DSG4: variants seen among roughly 807,000 people sequenced by gnomAD.
DSG4 encodes the protein desmoglein 4.
DSG4 carries 87 observed loss-of-function variants against 93.1 expected under a neutral mutation model. The observed-to-expected ratio is 0.93, with a 90% CI of 0.79 to 1.12. The LOEUF (loss-of-function observed/expected upper bound fraction) is 1.12. Ranked by LOEUF, DSG4 falls within the 50% of genes most tolerant of loss-of-function variation. The pLI is 0.00. For missense variants in DSG4, 1,373 were observed against 1,285.7 expected (o/e 1.07, Z -1.04); for synonymous variants, 432 against 452.9 (o/e 0.95, Z 0.59).
chr18:31,394,463 A>G (rs1841393), intron 8 of DSG4, among the ~76,000 whole-genome samples: 123,589 of 152,062 alleles, frequency 0.81, 50,576 homozygotes, highest in East Asian at 0.95. Flanking sequence ...TGTAATCCCA[A>G]CTACTCGGGA....
chr18:31,395,760 G>A (rs1283700052), intron 8 of DSG4, among the ~76,000 whole-genome samples: 2 of 152,088 alleles, frequency 1.3e-5, no homozygotes, highest in Non-Finnish European at 2.9e-5. Context: ...CAGCACTTTG[G>A]GAGGCCAAGG....
chr18:31,411,396 A>C lies in DSG4; in HGVS notation c.2303A>C (p.Asp768Ala). The C allele has an allele frequency of 3.1e-6, 5 of 1,611,112 alleles. No homozygotes were observed. The highest frequency in any genetic ancestry group is 4.2e-6 in the Non-Finnish European group (5 of 1,179,886). The change falls in exon 15 of 16, where the codon GAC becomes GCC. Residue 768 changes from aspartate (D) to alanine (A), a missense_variant. By Grantham distance (126) the Asp-to-Ala change is moderately radical. Transcript: ENST00000308128. ...KRSSTMGTLR[D>A]YADADINMAF... ...AGCTCTACCATGGGAACCCTGCGGG[A>C]CTACGCTGACGCAGACATCAACATG... is the stretch of plus-strand genomic sequence containing the variant.
At chr18:31,377,599 T>C (rs1022326713) in intron 1 of DSG4, among the ~76,000 whole-genome samples, 20 of 152,296 alleles carry the variant, frequency 1.3e-4, no homozygotes, top group Non-Finnish European at 1.9e-4. Context: ...ATCTTGGATA[T>C]TATATTTCTT....
At chr18:31,406,538 T>A (rs746092487) in intron 12 of DSG4, among the ~76,000 whole-genome samples, 165 bp downstream of exon 12, 1 of 152,150 alleles carries the variant, frequency 6.6e-6, no homozygotes, top group Non-Finnish European at 1.5e-5. Context: ...ATGCGCTTAA[T>A]CCACAATGAT....
Position 31,412,837 on chromosome 18 carries a change from G to T in DSG4, c.2365G>T (p.Ala789Ser). 6.2e-7 allele frequency: 1 copy of T among 1,614,174 alleles called. No homozygotes were observed. The highest frequency in any genetic ancestry group is 1.7e-5 in the Admixed American group (1 of 60,026). ...LDSYFSEKAY[A>S]YADEDEGRPA... ...TTCCTTTTAATTTTAGAAAGCGTAT[G>T]CTTATGCAGATGAAGATGAAGGTCG... Residue 789 changes from alanine to serine, a missense_variant, in exon 16 of 16, where the codon GCT (alanine) becomes TCT (serine). Transcript: ENST00000308128.
In DSG4 at chr18:31,409,588, C is replaced by G; in HGVS notation, c.2070C>G (p.Asp690Glu). 1 of 1,614,166 alleles carries G rather than the reference C, an allele frequency of 6.2e-7. No individual in the cohort carries two copies. The highest frequency in any genetic ancestry group is 8.5e-7 in the Non-Finnish European group (1 of 1,180,036). Residue 690 changes from aspartate (D) to glutamate (E), a missense_variant, in exon 13 of 16, where the codon GAC (aspartate) becomes GAG (glutamate). By Grantham distance (45) the Asp-to-Glu change is conservative (BLOSUM62 2). Coordinates refer to ENST00000308128, the MANE Select transcript of DSG4 (RefSeq NM_177986.5). ...SWRIEGAHPE[D>E]RDVSNICAPM... is the part of the protein sequence containing the mutation. The stretch of plus-strand genomic sequence containing the variant: ...GAATTGAAGGGGCCCATCCCGAGGA[C>G]AGGGTAAGTGGACTGTCACTCTCCA...
chr18:31,377,706 A>G (rs2072091276), intron 1 of DSG4, among the ~76,000 whole-genome samples: 1 of 152,206 alleles, frequency 6.6e-6, no homozygotes, highest in Non-Finnish European at 1.5e-5. Flanking sequence ...TTCCAACTCC[A>G]AAGAAGAACA....
Position 31,386,731 on chromosome 18 carries a change from C to G in DSG4, c.128C>G (p.Thr43Arg). Residue 43 changes from threonine to arginine, a missense_variant, in exon 3 of 16, where the codon ACA becomes AGA. Thr to Arg is a moderately conservative substitution (Grantham distance 71). Transcript: ENST00000308128. ...GAAAATGGCACTACAAAATGGCAAA[C>G]AGTCAGAAGACAAAAGCGGGAGTGG... is the stretch of plus-strand genomic sequence containing the variant. ...DIENGTTKWQ[T>R]VRRQKREWIK... is the part of the protein sequence containing the mutation. 6.2e-7 allele frequency: 1 copy of G among 1,613,384 alleles called. No homozygotes were observed. The highest frequency in any genetic ancestry group is 8.5e-7 in the Non-Finnish European group (1 of 1,179,484).
intron 2 of DSG4, among the ~76,000 whole-genome samples, chr18:31,386,083 AT>A (rs1400283836): frequency 6.6e-6 from 1 of 152,146 alleles, no homozygotes; most frequent in African/African-American, 2.4e-5. Flanking sequence ...AAATGACAGC[AT>A]TGCAAAGCCT....
rs2072537927 is a variant in DSG4, at chr18:31,414,765, A to T, written c.*1170A>T. ...AACACATTGCTTACTTTTCGTAGGC[A>T]TAAAGCTGACTTGAGAAAAAGAATC... On this transcript the variant is annotated 3_prime_UTR_variant, in exon 16 of 16. Transcript: ENST00000308128. 6.6e-6 allele frequency: 1 copy of T among 152,248 alleles called. No homozygotes were observed. The allele number at this position is 152,248 out of a possible 1,614,324, so 9.4% of individuals were successfully genotyped here.
chr18:31,413,807 ATGCGTC>A lies in DSG4; in HGVS notation c.*213_*218del. The A allele has an allele frequency of 1.7e-6, 1 of 596,292 alleles. No individual in the cohort carries two copies. The highest frequency in any genetic ancestry group is 3.0e-5 in the Admixed American group (1 of 32,864). The allele number at this position is 596,292 out of a possible 1,614,324, so 36.9% of individuals were successfully genotyped here. A position where few individuals can be genotyped will look rare whatever the true frequency, so the allele number is the denominator to read the frequency against. Reference sequence around the variant, plus strand: ...TTAAAATTCTTTCTGATTTTAAATAATGCGTCAAAAAATGTGCAGAAAATGTATTGC... The same window carrying A: ...TTAAAATTCTTTCTGATTTTAAATAAAAAAAATGTGCAGAAAATGTATTGC... On this transcript the variant is annotated 3_prime_UTR_variant, in exon 16 of 16. Coordinates refer to ENST00000308128, the MANE Select transcript of DSG4 (RefSeq NM_177986.5).
At chr18:31,412,149 C>T (rs4491616) in intron 15 of DSG4, among the ~76,000 whole-genome samples, 108,163 of 152,134 alleles carry the variant, frequency 0.71, 38,453 homozygotes, top group East Asian at 0.89. Context: ...GATTGGACTT[C>T]TAAAATGTGA....
intron 8 of DSG4, among the ~76,000 whole-genome samples, chr18:31,396,627 A>T (rs578177077): frequency 6.6e-6 from 1 of 152,182 alleles, no homozygotes; most frequent in South Asian, 2.1e-4. Flanking sequence ...CAGTGCTGGG[A>T]TTACATGTGT....
intron 10 of DSG4, chr18:31,401,446 A>T (rs2072365047): frequency 6.5e-6 from 1 of 154,888 alleles, no homozygotes; most frequent in Non-Finnish European, 1.4e-5. Context: ...TTAAAACTGA[A>T]CTACAGTGAG....
At chr18:31,382,439 A>C (rs2072146027) in intron 1 of DSG4, 1 of 152,130 alleles carries the variant, frequency 6.6e-6, no homozygotes, top group Admixed American at 6.5e-5. Flanking sequence ...AAAAAAGAAA[A>C]ATTTTTAAAA....
At chr18:31,398,672 A>ATT (rs1247549564) in intron 8 of DSG4, among the ~76,000 whole-genome samples, 2 of 152,210 alleles carry the variant, frequency 1.3e-5, no homozygotes, top group African/African-American at 2.4e-5. Context: ...TTCAAAGGTG[A>ATT]CTTTTCTCTG....
rs151114412 is a variant in DSG4, at chr18:31,396,120, AGT to A, written c.1006-3143_1006-3142del. Among the ~76,000 whole-genome samples the A allele has an allele frequency of 6.8e-3, 1,029 of 152,178 alleles. 14 individuals are homozygous for A. The highest frequency in any genetic ancestry group is 0.024 in the African/African-American group (985 of 41,522). ...TATATGAAAACGCAAGCAATAAAAAAGTGTGTGTGTATATATATATACATATT... is the reference window on the plus strand; with the variant it reads ...TATATGAAAACGCAAGCAATAAAAAAGTGTGTGTATATATATATACATATT... On this transcript the variant is annotated intron_variant, in intron 8 of 15. Transcript: ENST00000308128.
Position 31,394,092 on chromosome 18 carries a change from A to G in DSG4, c.1005+1752A>G, listed in dbSNP as rs565405575. 1.9e-3 allele frequency among the ~76,000 whole-genome samples: 297 copies of G among 152,346 alleles called. 1 individual carries two copies. The highest frequency in any genetic ancestry group is 6.6e-3 in the African/African-American group (275 of 41,578). On this transcript the variant is annotated intron_variant, in intron 8 of 15. Coordinates refer to ENST00000308128, the MANE Select transcript of DSG4 (RefSeq NM_177986.5). ...GTTTCATAAATAGTTTTATTGGAAT[A>G]CAACCACATACATTCATTTACGTAT... is the stretch of plus-strand genomic sequence containing the variant.
intron 5 of DSG4, 60 bp from the exon 6 acceptor site, chr18:31,390,596 T>A: frequency 6.2e-7 from 1 of 1,602,260 alleles, no homozygotes; most frequent in Non-Finnish European, 8.5e-7. Flanking sequence ...TTATGCCTAA[T>A]GATTTGCTGA....
Sources: allele counts gnomAD v4.1 joint callset (sites outside exome capture counted in the v4.1 genomes callset), GRCh38; gene constraint gnomAD v4.1.1; transcripts MANE v1.5; gene names NCBI Gene and HGNC (gene_info 2026-07-23, HGNC 2026-07-21).